Variants in THEMIS observed in about 807,000 individuals in gnomAD.
THEMIS encodes the protein thymocyte selection associated, also known as protein THEMIS.
A neutral mutation model predicts 52.6 loss-of-function variants in THEMIS; 37 were observed. The ratio of observed to expected loss-of-function variants is 0.70; its 90% CI spans 0.54 to 0.93. The LOEUF is 0.93. Ranked by LOEUF, THEMIS falls within the 40% of genes least tolerant of loss-of-function variation. The pLI is 0.00. For synonymous variants in THEMIS, 292 were observed against 272.7 expected (o/e 1.07, Z -0.70); for missense variants, 808 against 763.1 (o/e 1.06, Z -0.69).
At chr6:127,878,118 A>G (rs1365609625) in intron 1 of THEMIS, among the ~76,000 whole-genome samples, 1 of 152,176 alleles carries the variant, frequency 6.6e-6, no homozygotes, top group Non-Finnish European at 1.5e-5. Flanking sequence ...AATGGTTTTT[A>G]GTAAGGCTGC....
At chr6:127,789,323 A>T (rs1270542812) in intron 4 of THEMIS, among the ~76,000 whole-genome samples, 1 of 152,210 alleles carries the variant, frequency 6.6e-6, no homozygotes, top group Admixed American at 6.5e-5. Context: ...AGACTAAACC[A>T]GGAAGAAGTT....
chr6:127,807,970 C>T (rs1583299568), intron 4 of THEMIS, among the ~76,000 whole-genome samples: 1 of 152,266 alleles, frequency 6.6e-6, no homozygotes, highest in South Asian at 2.1e-4. Context: ...CTTTTTCAGC[C>T]CTCACTCTAA....
chr6:127,890,147 G>C (rs1780759571), intron 1 of THEMIS, among the ~76,000 whole-genome samples: 1 of 152,094 alleles, frequency 6.6e-6, no homozygotes, highest in African/African-American at 2.4e-5. Context: ...TACATACAAT[G>C]TATATTGGAC....
At chr6:127,791,660 C>A (rs1328050749) in intron 4 of THEMIS, among the ~76,000 whole-genome samples, 1 of 152,286 alleles carries the variant, frequency 6.6e-6, no homozygotes, top group Admixed American at 6.5e-5. Context: ...CATTAACCTG[C>A]TCTCCATGGT....
intron 4 of THEMIS, among the ~76,000 whole-genome samples, chr6:127,789,272 TA>T: frequency 6.6e-6 from 1 of 152,246 alleles, no homozygotes; most frequent in Non-Finnish European, 1.5e-5. Context: ...CTAGAAAATC[TA>T]GAAGAAATTG....
intron 3 of THEMIS, among the ~76,000 whole-genome samples, chr6:127,823,591 T>C (rs954683721): frequency 6.6e-6 from 1 of 152,146 alleles, no homozygotes; most frequent in Non-Finnish European, 1.5e-5. Flanking sequence ...TACAAATACA[T>C]ACATAAGAAA....
At chr6:127,782,242 G>T (rs758533557) in intron 4 of THEMIS, among the ~76,000 whole-genome samples, 4 of 152,156 alleles carry the variant, frequency 2.6e-5, no homozygotes, top group Non-Finnish European at 5.9e-5. Context: ...GCTCCATGGG[G>T]GTGGGATGCA....
intron 1 of THEMIS, among the ~76,000 whole-genome samples, chr6:127,883,251 T>C (rs1780540989): frequency 6.6e-6 from 1 of 151,868 alleles, no homozygotes; most frequent in Admixed American, 6.6e-5. Context: ...TTTAAACTCT[T>C]CAGTAGAGCA....
At chr6:127,828,723 G>A (rs553497458) in intron 3 of THEMIS, among the ~76,000 whole-genome samples, 92 of 152,272 alleles carry the variant, frequency 6.0e-4, no homozygotes, top group Non-Finnish European at 9.8e-4. Flanking sequence ...GGGAGGTGAC[G>A]TGGGCCGATC....
At chr6:127,819,252 A>G (rs1293196933) in intron 3 of THEMIS, among the ~76,000 whole-genome samples, 3 of 151,852 alleles carry the variant, frequency 2.0e-5, no homozygotes, top group Non-Finnish European at 4.4e-5. Flanking sequence ...AGATATGTCA[A>G]TTAAAAACTT....
chr6:127,707,165 C>T (rs114401473), downstream of THEMIS, among the ~76,000 whole-genome samples: 517 of 152,130 alleles, frequency 3.4e-3, 2 homozygotes, highest in African/African-American at 0.012. Flanking sequence ...AAACTGTCCC[C>T]ATGACTCAAT....
At chr6:127,725,522 G>T (rs762967034) in intron 4 of THEMIS, among the ~76,000 whole-genome samples, 45 of 151,882 alleles carry the variant, frequency 3.0e-4, no homozygotes, top group Non-Finnish European at 5.1e-4. Flanking sequence ...TAATTTAGAA[G>T]ATGATCAAGT....
intron 4 of THEMIS, among the ~76,000 whole-genome samples, chr6:127,727,844 C>A (rs1200367808): frequency 6.6e-6 from 1 of 152,146 alleles, no homozygotes; most frequent in Non-Finnish European, 1.5e-5. Flanking sequence ...ATCTCCTCAG[C>A]TCAACTTAAG....
intron 5 of THEMIS, among the ~76,000 whole-genome samples, 198 bp from the exon 6 acceptor site, chr6:127,710,214 A>C (rs907661389): frequency 6.6e-6 from 1 of 151,940 alleles, no homozygotes; most frequent in African/African-American, 2.4e-5. Context: ...CTCTTCAGAA[A>C]CAAGGTAGAT....
intron 1 of THEMIS, among the ~76,000 whole-genome samples, chr6:127,857,698 C>CTTAG (rs1177224941): frequency 1.3e-5 from 2 of 152,008 alleles, no homozygotes; most frequent in Admixed American, 6.6e-5. Flanking sequence ...TTGTTAGAAT[C>CTTAG]TTAGACCCCA....
intron 4 of THEMIS, among the ~76,000 whole-genome samples, chr6:127,740,050 T>C (rs1229485238): frequency 1.3e-5 from 2 of 152,060 alleles, no homozygotes; most frequent in East Asian, 1.9e-4. Context: ...AAGGACAGGG[T>C]TGGAAAAGAG....
intron 4 of THEMIS, among the ~76,000 whole-genome samples, chr6:127,775,105 T>G (rs1203763444): frequency 6.6e-6 from 1 of 152,144 alleles, no homozygotes. Flanking sequence ...CATATGTTGA[T>G]TAGGACCCAT....
chr6:127,835,525 C>T (rs558884539), intron 2 of THEMIS, among the ~76,000 whole-genome samples: 2 of 152,100 alleles, frequency 1.3e-5, no homozygotes, highest in Non-Finnish European at 2.9e-5. Context: ...TACTTAACAG[C>T]TAGTAAGCAC....
At chr6:127,739,497 C>T (rs1469364954) in intron 4 of THEMIS, among the ~76,000 whole-genome samples, 3 of 151,958 alleles carry the variant, frequency 2.0e-5, no homozygotes, top group African/African-American at 7.2e-5. Flanking sequence ...AAAAATTAGC[C>T]GGGTGTGGTG....
Sources: allele counts gnomAD v4.1 joint callset (sites outside exome capture counted in the v4.1 genomes callset), GRCh38; gene constraint gnomAD v4.1.1; transcripts MANE v1.5; gene names NCBI Gene and HGNC (gene_info 2026-07-23, HGNC 2026-07-21).